Variants in MNAT1 observed in about 807,000 individuals in gnomAD.
MNAT1 encodes the protein CDK-activating kinase assembly factor MAT1.
A neutral mutation model predicts 42.0 loss-of-function variants in MNAT1; 43 were observed. The ratio of observed to expected loss-of-function variants is 1.02; its 90% CI spans 0.80 to 1.32. The LOEUF is 1.32. Among genes scored for constraint, MNAT1 ranks in the 40% most tolerant of loss-of-function variants. The pLI is 0.00. For synonymous variants in MNAT1, 118 were observed against 120.0 expected (o/e 0.98, Z 0.11); for missense variants, 306 against 350.4 (o/e 0.87, Z 1.01).
chr14:60,743,585 A>G (rs979072183), intron 1 of MNAT1, among the ~76,000 whole-genome samples: 1 of 152,198 alleles, frequency 6.6e-6, no homozygotes, highest in African/African-American at 2.4e-5. Flanking sequence ...CACTGCGCCC[A>G]GCTCCTTAGC....
chr14:60,766,356 A>G, intron 1 of MNAT1, among the ~76,000 whole-genome samples: 1 of 151,508 alleles, frequency 6.6e-6, no homozygotes, highest in African/African-American at 2.4e-5. Context: ...AAAAAAAAAA[A>G]AGAAAAAAAA....
rs184813421 is a variant in MNAT1 at position 60,748,194 on chromosome 14, C to T, written c.89+13243C>T. Among the ~76,000 whole-genome samples the T allele has an allele frequency of 4.3e-3, 647 of 150,108 alleles. 4 individuals are homozygous for T. Among genetic ancestry groups the T allele is most frequent in the Non-Finnish European group, 5.4e-3 (368 of 67,678 alleles). On this transcript the variant is annotated intron_variant, in intron 1 of 7. Transcript: ENST00000261245. ...CCTGGACAACAGAGCGAGACTCTGT[C>T]TCAGAAAAAAAAAAAAAGAAGAAAA... is the stretch of plus-strand genomic sequence containing the variant.
intron 7 of MNAT1, among the ~76,000 whole-genome samples, chr14:60,903,554 A>G (rs187154067): frequency 2.6e-5 from 4 of 152,294 alleles, no homozygotes; most frequent in Admixed American, 1.3e-4. Flanking sequence ...GTATATTCCA[A>G]TGAGTTTTGA....
chr14:60,815,922 A>G (rs2032700667), intron 5 of MNAT1, among the ~76,000 whole-genome samples: 1 of 152,180 alleles, frequency 6.6e-6, no homozygotes, highest in Non-Finnish European at 1.5e-5. Flanking sequence ...ATGTTAAAAT[A>G]CTTTAAATTT....
chr14:60,827,538 T>C (rs2033088637), intron 6 of MNAT1, among the ~76,000 whole-genome samples: 1 of 152,188 alleles, frequency 6.6e-6, no homozygotes, highest in African/African-American at 2.4e-5. Flanking sequence ...GTCAGTTATG[T>C]CCTGTAAAGC....
At chr14:60,902,431 A>G (rs889738759) in intron 7 of MNAT1, among the ~76,000 whole-genome samples, 1 of 152,168 alleles carries the variant, frequency 6.6e-6, no homozygotes, top group Non-Finnish European at 1.5e-5. Flanking sequence ...TTCTCTTGCT[A>G]CTTATCTTTC....
chr14:60,953,334 A>G lies in MNAT1; in HGVS notation c.810-14895A>G, dbSNP rs79011394. ...CCCTGTGATAAAAGATTAGCAAGCAAGATTCTTCTTATCCTTTGAAATCTC... is the reference window on the plus strand; with the variant it reads ...CCCTGTGATAAAAGATTAGCAAGCAGGATTCTTCTTATCCTTTGAAATCTC... On this transcript the variant is annotated intron_variant, in intron 7 of 7. Transcript: ENST00000261245. 5.4e-3 allele frequency among the ~76,000 whole-genome samples: 825 copies of G among 152,286 alleles called. 14 individuals are homozygous for G. Among genetic ancestry groups the G allele is most frequent in the African/African-American group, 0.019 (773 of 41,566 alleles).
intron 6 of MNAT1, among the ~76,000 whole-genome samples, chr14:60,866,593 G>A (rs1316424952): frequency 2.0e-5 from 3 of 151,942 alleles, no homozygotes; most frequent in Non-Finnish European, 4.4e-5. Context: ...TTCCTTTTAT[G>A]TTTTGTGTTC....
rs4151273 is a variant in MNAT1, at chr14:60,856,930, C to T, written c.688-22784C>T. Among the ~76,000 whole-genome samples, 706 of 152,234 alleles carry T rather than the reference C, an allele frequency of 4.6e-3. 18 individuals are homozygous for T. In the East Asian group the frequency reaches 0.091, roughly 20 times the overall value. ...TCCTCACCTCGTGATCCGCCCGCCT[C>T]GGCCTCCCAAAGTGCTGAGATTACA... On this transcript the variant is annotated intron_variant, in intron 6 of 7. Coordinates refer to ENST00000261245, the MANE Select transcript of MNAT1 (RefSeq NM_002431.4).
intron 7 of MNAT1, among the ~76,000 whole-genome samples, chr14:60,880,402 A>G (rs774451031): frequency 2.0e-5 from 3 of 152,198 alleles, no homozygotes; most frequent in Non-Finnish European, 2.9e-5. Context: ...CATGGGAGCA[A>G]GTGGGTATTT....
Position 60,780,511 on chromosome 14 carries a change from T to C in MNAT1, c.90-15706T>C, listed in dbSNP as rs923682898. 3.3e-6 allele frequency: 5 copies of C among 1,516,584 alleles called. No homozygotes were observed. In the Admixed American group the frequency reaches 6.7e-5, roughly 20 times the overall value. The allele number at this position is 1,516,584 out of a possible 1,614,324, so 93.9% of individuals were successfully genotyped here. A position where few individuals can be genotyped will look rare whatever the true frequency, so the allele number is the denominator to read the frequency against. On this transcript the variant is annotated intron_variant, in intron 1 of 7. Coordinates refer to ENST00000261245, the MANE Select transcript of MNAT1 (RefSeq NM_002431.4). ...CGGGACCACAGTTTATTACCAATTCTGAGGAAGTCTGCCTTTGTTCATTTA... is the reference window on the plus strand; with the variant it reads ...CGGGACCACAGTTTATTACCAATTCCGAGGAAGTCTGCCTTTGTTCATTTA...
chr14:60,905,534 G>T (rs904392509), intron 7 of MNAT1, among the ~76,000 whole-genome samples: 49 of 152,184 alleles, frequency 3.2e-4, no homozygotes, highest in Non-Finnish European at 6.2e-4. Flanking sequence ...GCAACCAGGA[G>T]AACCAGGGAA....
chr14:60,845,593 T>C (rs2033662104), intron 6 of MNAT1, among the ~76,000 whole-genome samples: 1 of 152,052 alleles, frequency 6.6e-6, no homozygotes, highest in East Asian at 1.9e-4. Context: ...TAATAATTTT[T>C]TAGTAATATT....
intron 7 of MNAT1, among the ~76,000 whole-genome samples, chr14:60,908,964 C>G (rs1416194562): frequency 3.3e-5 from 5 of 152,204 alleles, no homozygotes; most frequent in South Asian, 2.1e-4. Flanking sequence ...TCCTATTTCT[C>G]CATATCCTCT....
intron 6 of MNAT1, among the ~76,000 whole-genome samples, chr14:60,864,004 A>G (rs2139437877): frequency 6.6e-6 from 1 of 152,172 alleles, no homozygotes; most frequent in South Asian, 2.1e-4. Context: ...CAAGCCATCA[A>G]TTTTATATTG....
chr14:60,919,736 G>C (rs191650412), intron 7 of MNAT1: 2 of 157,374 alleles, frequency 1.3e-5, no homozygotes, highest in Non-Finnish European at 2.9e-5. Flanking sequence ...GTAGCCAACA[G>C]CTTTGCCTGG....
chr14:60,938,069 T>C (rs919929372), intron 7 of MNAT1, among the ~76,000 whole-genome samples: 3 of 152,214 alleles, frequency 2.0e-5, no homozygotes, highest in Non-Finnish European at 4.4e-5. Context: ...TTTTTGCACA[T>C]TGATTTTGTA....
chr14:60,829,360 T>A (rs555166287), intron 6 of MNAT1, among the ~76,000 whole-genome samples: 1 of 152,334 alleles, frequency 6.6e-6, no homozygotes, highest in South Asian at 2.1e-4. Context: ...TATATTCCTA[T>A]ATTTCTAGGT....
intron 6 of MNAT1, among the ~76,000 whole-genome samples, chr14:60,859,846 A>G (rs768519697): frequency 1.3e-5 from 2 of 152,192 alleles, no homozygotes; most frequent in South Asian, 2.1e-4. Context: ...AGTGTTTTCA[A>G]TTAAGAGCTT....
Sources: allele counts gnomAD v4.1 joint callset (sites outside exome capture counted in the v4.1 genomes callset), GRCh38; gene constraint gnomAD v4.1.1; transcripts MANE v1.5; gene names NCBI Gene and HGNC (gene_info 2026-07-23, HGNC 2026-07-21).